Variants in PBX1 observed in about 807,000 individuals in gnomAD.
PBX1 encodes the protein pre-B-cell leukemia transcription factor 1.
A neutral mutation model predicts 53.4 loss-of-function variants in PBX1; 6 were observed. The ratio of observed to expected loss-of-function variants is 0.11; its 90% CI spans 0.06 to 0.22. PBX1 has a LOEUF of 0.22. Ranked by LOEUF, PBX1 falls within the 10% of genes least tolerant of loss-of-function variation. The pLI is 1.00. For missense variants in PBX1, 251 were observed against 551.4 expected, an observed-to-expected ratio of 0.46 and a Z score of 5.46; for synonymous variants, 204 against 212.3, an observed-to-expected ratio of 0.96 and a Z score of 0.34.
At chr1:164,820,307 C>T (rs1670091855) in intron 7 of PBX1, 123 bp downstream of exon 7, 1 of 607,680 alleles carries the variant, frequency 1.6e-6, no homozygotes, top group East Asian at 2.8e-5. Flanking sequence ...AAAACCTTAC[C>T]AACGACCGAA....
At position 164,883,863 on chromosome 1, in the gene PBX1, G is replaced by T. The variant is rs549089383; in HGVS notation, n.258-15325G>T. Among the ~76,000 whole-genome samples, 80 of 152,254 alleles carry T rather than the reference G, an allele frequency of 5.3e-4. 1 individual carries two copies. The South Asian group carries it at 0.015, about 28-fold the overall frequency. Reference sequence around the variant, plus strand: ...CTGACAATGTTTTTATATTAAGGCTGGGTTCTATGTACAATTTGCTACAAA... The same window carrying T: ...CTGACAATGTTTTTATATTAAGGCTTGGTTCTATGTACAATTTGCTACAAA... On this transcript the variant is annotated intron_variant and non_coding_transcript_variant, in intron 2 of 2. Transcript: ENST00000558796.
intron 3 of PBX1, among the ~76,000 whole-genome samples, chr1:164,797,456 T>C (rs995607341): frequency 1.3e-5 from 2 of 152,188 alleles, no homozygotes; most frequent in Admixed American, 6.5e-5. Flanking sequence ...TATTTCCTTC[T>C]CTTGGTTGTA....
At chr1:164,626,292 T>G (rs1658038323) in intron 2 of PBX1, among the ~76,000 whole-genome samples, 1 of 152,162 alleles carries the variant, frequency 6.6e-6, no homozygotes, top group Non-Finnish European at 1.5e-5. Context: ...CAGTAGTAGG[T>G]TTTCCTCCCT....
At chr1:164,884,546 T>A (rs1672734835) in intron 2 of PBX1, 1 of 511,172 alleles carries the variant, frequency 2.0e-6, no homozygotes, top group East Asian at 4.3e-5. Context: ...TACCAGGAAA[T>A]TGCAAGAACC....
chr1:164,622,822 C>CTTTTTTTTTTTTTT (rs11299132), intron 2 of PBX1, among the ~76,000 whole-genome samples: 1 of 106,290 alleles, frequency 9.4e-6, no homozygotes, highest in African/African-American at 3.7e-5. Context: ...CAGTTTCCAT[C>CTTTTTTTTTTTTTT]TTTTTTTTTT....
intron 2 of PBX1, among the ~76,000 whole-genome samples, chr1:164,772,050 T>G (rs1282798620): frequency 1.3e-5 from 2 of 152,234 alleles, no homozygotes; most frequent in Non-Finnish European, 2.9e-5. Flanking sequence ...CCAGCTGTCC[T>G]TTGTCTGTTC....
chr1:164,782,966 T>C (rs1401599937), intron 2 of PBX1, among the ~76,000 whole-genome samples: 1 of 152,206 alleles, frequency 6.6e-6, no homozygotes, highest in Non-Finnish European at 1.5e-5. Flanking sequence ...CTGGTTATAA[T>C]TTATTTATTT....
chr1:164,574,886 G>T (rs552589035), intron 2 of PBX1, among the ~76,000 whole-genome samples: 8 of 152,120 alleles, frequency 5.3e-5, no homozygotes, highest in South Asian at 2.1e-4. Context: ...GGAGGCTGAG[G>T]CAGGAGAATT....
In PBX1 at chr1:164,699,063, A is replaced by C. The variant is rs182707560; in HGVS notation, c.266-93431A>C. Among the ~76,000 whole-genome samples, 342 of 152,294 alleles carry C rather than the reference A, an allele frequency of 2.2e-3. 4 individuals carry two copies. Among genetic ancestry groups the C allele is most frequent in the African/African-American group, 6.8e-3 (283 of 41,566 alleles). Reference sequence around the variant, plus strand: ...AAAGGAGACTCAAGAATTTAAAAAGACCAGCAGACTGAGTCTATACAGAAT... The same window carrying C: ...AAAGGAGACTCAAGAATTTAAAAAGCCCAGCAGACTGAGTCTATACAGAAT... On this transcript the variant is annotated intron_variant, in intron 2 of 8. Transcript: ENST00000420696.
At chr1:164,810,762 A>G (rs540653403) in intron 5 of PBX1, among the ~76,000 whole-genome samples, 1 of 152,016 alleles carries the variant, frequency 6.6e-6, no homozygotes, top group Non-Finnish European at 1.5e-5. Context: ...CCTCCAGTTT[A>G]CCTCTTTTTC....
chr1:164,877,542 A>C (rs1333770627), intron 2 of PBX1, among the ~76,000 whole-genome samples: 1 of 152,066 alleles, frequency 6.6e-6, no homozygotes, highest in Non-Finnish European at 1.5e-5. Context: ...GCATGCCTGT[A>C]ATCCCAGCTA....
intron 2 of PBX1, chr1:164,684,074 T>G (rs911806594): frequency 6.6e-6 from 1 of 152,214 alleles, no homozygotes; most frequent in Non-Finnish European, 1.5e-5. Flanking sequence ...TGCATTGGCC[T>G]TCCCAAATAC....
At chr1:164,685,849 T>C (rs1662062560) in intron 2 of PBX1, among the ~76,000 whole-genome samples, 1 of 152,156 alleles carries the variant, frequency 6.6e-6, no homozygotes, top group African/African-American at 2.4e-5. Context: ...CAGGCCGCCC[T>C]CCTGGCAGTG....
intron 3 of PBX1, among the ~76,000 whole-genome samples, chr1:164,799,373 C>A (rs1194015744): frequency 2.0e-5 from 3 of 152,062 alleles, no homozygotes; most frequent in Non-Finnish European, 2.9e-5. Flanking sequence ...CGCCTGTAGT[C>A]CCAGCTACTC....
At chr1:164,855,107 G>A (rs570708141), downstream of PBX1, among the ~76,000 whole-genome samples, 3 of 151,806 alleles carry the variant, frequency 2.0e-5, no homozygotes, top group African/African-American at 4.8e-5. Flanking sequence ...CACCATACCC[G>A]GCTAATGTTT....
At chr1:164,818,933 T>C (rs1670010153) in intron 6 of PBX1, 1 of 152,164 alleles carries the variant, frequency 6.6e-6, no homozygotes, top group Non-Finnish European at 1.5e-5. Flanking sequence ...GAATCATTGT[T>C]GGGTGATTCC....
intron 8 of PBX1, among the ~76,000 whole-genome samples, chr1:164,823,487 T>C (rs985513121): frequency 1.3e-5 from 2 of 151,546 alleles, no homozygotes; most frequent in Non-Finnish European, 2.9e-5. Context: ...AACCTGGCCA[T>C]ACTCAAAAGG....
intron 2 of PBX1, among the ~76,000 whole-genome samples, chr1:164,715,784 G>A (rs568509855): frequency 2.9e-4 from 44 of 152,222 alleles, no homozygotes; most frequent in Admixed American, 5.9e-4. Flanking sequence ...AGTCTAAGCC[G>A]GGATAAACTC....
downstream of PBX1, among the ~76,000 whole-genome samples, chr1:164,854,836 A>G (rs1671942523): frequency 6.6e-6 from 1 of 151,854 alleles, no homozygotes; most frequent in Non-Finnish European, 1.5e-5. Flanking sequence ...AAAACGGTGC[A>G]TTCATTAATA....
Sources: allele counts gnomAD v4.1 joint callset (sites outside exome capture counted in the v4.1 genomes callset), GRCh38; gene constraint gnomAD v4.1.1; transcripts MANE v1.5; gene names NCBI Gene and HGNC (gene_info 2026-07-23, HGNC 2026-07-21).